The following HECW2 variants were observed in gnomAD, a reference collection of about 807,000 sequenced individuals.
HECW2 encodes the protein E3 ubiquitin-protein ligase HECW2.
Under a neutral mutation model 175.2 loss-of-function variants are expected in HECW2, and 61 were observed. That is an observed-to-expected ratio of 0.35 (90% CI 0.28 to 0.43). HECW2 has a LOEUF of 0.43. HECW2 is among the 20% of genes least tolerant of loss of function. The pLI is 1.00. For synonymous variants in HECW2, 671 were observed against 731.0 expected (o/e 0.92, Z 1.32); for missense variants, 1,524 against 2,000.5 (o/e 0.76, Z 4.54).
At chr2:196,576,480 T>A (rs563949160) in intron 1 of HECW2, among the ~76,000 whole-genome samples, 6 of 152,256 alleles carry the variant, frequency 3.9e-5, no homozygotes, top group African/African-American at 1.4e-4. Context: ...TACTGCATGA[T>A]CTCACTTATA....
chr2:196,360,676 TG>T (rs1386906241), intron 2 of HECW2, among the ~76,000 whole-genome samples: 1 of 152,112 alleles, frequency 6.6e-6, no homozygotes, highest in African/African-American at 2.4e-5. Flanking sequence ...AACCTGCATA[TG>T]TACCCCTGAA....
At chr2:196,271,544 T>C (rs1388153340) in intron 16 of HECW2, among the ~76,000 whole-genome samples, 2 of 152,098 alleles carry the variant, frequency 1.3e-5, no homozygotes, top group Non-Finnish European at 2.9e-5. Flanking sequence ...TGCCTTGGCC[T>C]CCCAAAGTGC....
At chr2:196,440,589 A>G (rs919490275) in intron 1 of HECW2, among the ~76,000 whole-genome samples, 2 of 152,206 alleles carry the variant, frequency 1.3e-5, no homozygotes, top group African/African-American at 4.8e-5. Flanking sequence ...TTACTCAATA[A>G]CAGAGAACAG....
intron 26 of HECW2, chr2:196,217,548 T>A (rs1290020235): frequency 6.5e-6 from 1 of 153,178 alleles, no homozygotes; most frequent in Non-Finnish European, 1.5e-5. Context: ...GACACATTAA[T>A]CAAATAATTT....
chr2:196,299,650 C>G (rs1218092402), intron 13 of HECW2, among the ~76,000 whole-genome samples: 1 of 152,204 alleles, frequency 6.6e-6, no homozygotes, highest in Non-Finnish European at 1.5e-5. Context: ...CAGCCTTGGG[C>G]CTGGCGCAGT....
At chr2:196,347,903 G>C (rs918665932) in intron 2 of HECW2, among the ~76,000 whole-genome samples, 1 of 152,244 alleles carries the variant, frequency 6.6e-6, no homozygotes, top group Non-Finnish European at 1.5e-5. Flanking sequence ...CCGCCACTGA[G>C]TGGCAGCAAC....
At chr2:196,483,178 C>T (rs1686900146) in intron 1 of HECW2, among the ~76,000 whole-genome samples, 1 of 150,062 alleles carries the variant, frequency 6.7e-6, no homozygotes, top group Non-Finnish European at 1.5e-5. Flanking sequence ...ACATAGACAA[C>T]TTGACAAGCA....
chr2:196,343,714 C>T lies in HECW2; in HGVS notation c.343G>A (p.Gly115Arg). ...FWDSKNRGVT[G>R]TQKGQIVWRI... ...CATACAATTTGCCCTTTTTGTGTTCCAGTCACACCCCTGTTCTTAGAATCC... is the reference window on the plus strand; with the variant it reads ...CATACAATTTGCCCTTTTTGTGTTCTAGTCACACCCCTGTTCTTAGAATCC... Residue 115 changes from glycine to arginine, a missense_variant, in exon 3 of 29, where the codon GGA becomes AGA. Around this residue, in one of 11 missense-constraint regions of HECW2, gnomAD observed 135 missense variants for 214.6 expected, o/e 0.63. Transcript: ENST00000644978. 6.2e-7 allele frequency: 1 copy of T among 1,613,832 alleles called. No homozygotes were observed. Among genetic ancestry groups the T allele is most frequent in the Non-Finnish European group, 8.5e-7 (1 of 1,179,796 alleles).
At chr2:196,384,249 T>C (rs1694286838) in intron 2 of HECW2, among the ~76,000 whole-genome samples, 1 of 151,992 alleles carries the variant, frequency 6.6e-6, no homozygotes, top group African/African-American at 2.4e-5. Flanking sequence ...ACAAAAAAAA[T>C]GATTAAGGCT....
intron 2 of HECW2, among the ~76,000 whole-genome samples, chr2:196,391,172 G>A (rs1694498428): frequency 6.6e-6 from 1 of 152,104 alleles, no homozygotes; most frequent in Non-Finnish European, 1.5e-5. Flanking sequence ...CTCTCTGCAG[G>A]TTATTTATCT....
chr2:196,368,549 T>C (rs765903019), intron 2 of HECW2, among the ~76,000 whole-genome samples: 1 of 152,176 alleles, frequency 6.6e-6, no homozygotes, highest in Non-Finnish European at 1.5e-5. Flanking sequence ...TCTGTTATTA[T>C]CTCTTTGAAT....
At chr2:196,304,351 T>C (rs1412726303) in intron 13 of HECW2, among the ~76,000 whole-genome samples, 1 of 152,116 alleles carries the variant, frequency 6.6e-6, no homozygotes, top group Non-Finnish European at 1.5e-5. Context: ...TTGTGAGATT[T>C]TGAGATTAAA....
intron 1 of HECW2, among the ~76,000 whole-genome samples, chr2:196,454,935 A>T (rs1696459386): frequency 6.6e-6 from 1 of 152,190 alleles, no homozygotes; most frequent in Admixed American, 6.5e-5. Flanking sequence ...TACTTATTAT[A>T]TGAGATATTG....
At chr2:196,501,075 A>T (rs902727380) in intron 1 of HECW2, among the ~76,000 whole-genome samples, 3 of 152,276 alleles carry the variant, frequency 2.0e-5, no homozygotes, top group African/African-American at 7.2e-5. Context: ...ATTTTCATGT[A>T]ATAAGTAGTC....
Position 196,433,524 on chromosome 2 carries a change from A to C in HECW2, c.-35-66T>G, listed in dbSNP as rs113258410. 29 of 1,221,162 alleles carry C rather than the reference A, an allele frequency of 2.4e-5. No individual in the cohort carries two copies. The African/African-American group carries it at 3.5e-4, about 15-fold the overall frequency. The allele number at this position is 1,221,162 out of a possible 1,614,324, so 75.6% of individuals were successfully genotyped here. A position where few individuals can be genotyped will look rare whatever the true frequency, so the allele number is the denominator to read the frequency against. ...ACGAAGAATCAGATTTAAGCTTTCC[A>C]GACATAAAGCCTTAAAGGGTGTTTA... On this transcript the variant is annotated intron_variant, in intron 1 of 28. Transcript: ENST00000644978.
chr2:196,242,434 T>C (rs1417477517), intron 19 of HECW2: 2 of 519,972 alleles, frequency 3.8e-6, no homozygotes, highest in African/African-American at 3.8e-5. Context: ...GTTTGAATAG[T>C]TACAATGGTG....
chr2:196,550,180 C>T (rs1689563069), intron 1 of HECW2, among the ~76,000 whole-genome samples: 4 of 152,202 alleles, frequency 2.6e-5, no homozygotes, highest in Admixed American at 2.6e-4. Context: ...ACTTATCTAC[C>T]ATCCATATAA....
intron 1 of HECW2, among the ~76,000 whole-genome samples, chr2:196,566,176 G>A (rs1016116409): frequency 1.3e-5 from 2 of 151,472 alleles, no homozygotes; most frequent in Non-Finnish European, 2.9e-5. Flanking sequence ...TACTCTAATG[G>A]ACTACTTACC....
intron 19 of HECW2, among the ~76,000 whole-genome samples, chr2:196,252,219 C>T (rs1194259691): frequency 1.8e-5 from 1 of 57,052 alleles, no homozygotes; most frequent in Non-Finnish European, 3.7e-5. Context: ...AATAATAAGG[C>T]TTCAATGACC....
Sources: gnomAD v4.1 joint callset for allele counts (sites outside exome capture counted in the v4.1 genomes callset) on GRCh38, gnomAD v4.1.1 for gene constraint, gnomAD v4.1.1 regional missense constraint, MANE v1.5 for transcripts, NCBI Gene and HGNC (gene_info 2026-07-23, HGNC 2026-07-21) for gene names.